MAP3K7: variants seen among roughly 807,000 people sequenced by gnomAD.
MAP3K7 encodes TGF-beta activated kinase 1.
A neutral mutation model predicts 84.8 loss-of-function variants in MAP3K7; 21 were observed. The ratio of observed to expected loss-of-function variants is 0.25; its 90% CI spans 0.18 to 0.36. MAP3K7 has a LOEUF of 0.36. MAP3K7 is among the 10% of genes least tolerant of loss of function. The probability of loss-of-function intolerance (pLI) is 1.00; values close to 1 mark genes in which losing one functional copy is unlikely to be tolerated. For synonymous variants in MAP3K7, 241 were observed against 247.7 expected (o/e 0.97, Z 0.25); for missense variants, 503 against 747.7 (o/e 0.67, Z 3.82).
chr6:90,555,557 T>C (rs953254813), intron 6 of MAP3K7, among the ~76,000 whole-genome samples: 1 of 152,194 alleles, frequency 6.6e-6, no homozygotes. Context: ...GCCCAGCTAT[T>C]TGCATTCTTT....
chr6:90,547,734 C>T (rs1406682261), intron 10 of MAP3K7, among the ~76,000 whole-genome samples: 1 of 152,080 alleles, frequency 6.6e-6, no homozygotes, highest in Non-Finnish European at 1.5e-5. Context: ...AGACTTAGAA[C>T]AACTCCTCTA....
chr6:90,575,715 G>A (rs1475580688), intron 1 of MAP3K7, among the ~76,000 whole-genome samples: 2 of 152,146 alleles, frequency 1.3e-5, no homozygotes, highest in Non-Finnish European at 2.9e-5. Context: ...CTGGGTTTCA[G>A]AGGATTAATG....
rs1353073575 is a variant in MAP3K7 at position 90,515,677 on chromosome 6, T to C, written c.*824A>G. On this transcript the variant is annotated 3_prime_UTR_variant, in exon 17 of 17. Coordinates refer to ENST00000369329, the MANE Select transcript of MAP3K7 (RefSeq NM_145331.3). The stretch of plus-strand genomic sequence containing the variant: ...ATCCAAGAATCACTGCAGGAAGAAA[T>C]GATCATTTAAGCTCAATCATGTTCT... 1 of 151,670 alleles carries C rather than the reference T, an allele frequency of 6.6e-6. No homozygotes were observed. Among genetic ancestry groups the C allele is most frequent in the Non-Finnish European group, 1.5e-5 (1 of 67,836 alleles). 9.4% of individuals were successfully genotyped at this position (151,670 alleles called of 1,614,324 possible).
intron 6 of MAP3K7, among the ~76,000 whole-genome samples, chr6:90,554,300 T>G (rs1240283904): frequency 6.6e-6 from 1 of 152,234 alleles, no homozygotes; most frequent in Non-Finnish European, 1.5e-5. Flanking sequence ...TAATTTAGTG[T>G]TACAGTTTTT....
At chr6:90,577,602 T>C (rs1377135378) in intron 1 of MAP3K7, among the ~76,000 whole-genome samples, 1 of 152,110 alleles carries the variant, frequency 6.6e-6, no homozygotes, top group Non-Finnish European at 1.5e-5. Flanking sequence ...GTCAATATGG[T>C]AGCAGGCAAA....
At chr6:90,579,909 C>T (rs1157089767) in intron 1 of MAP3K7, among the ~76,000 whole-genome samples, 2 of 152,150 alleles carry the variant, frequency 1.3e-5, no homozygotes, top group African/African-American at 2.4e-5. Context: ...CAACAGGAAA[C>T]GCTGGTTAAG....
chr6:90,536,570 G>C (rs1775687602), intron 12 of MAP3K7, 169 bp from the exon 13 acceptor site: 1 of 584,670 alleles, frequency 1.7e-6, no homozygotes, highest in Non-Finnish European at 3.0e-6. Context: ...AGAAGAGAAA[G>C]ATGTAAAGAA....
rs1294946175 is a variant in MAP3K7, at chr6:90,516,346, G to A, written c.*155C>T. 1 of 723,606 alleles carries A rather than the reference G, an allele frequency of 1.4e-6. No homozygotes were observed. Among genetic ancestry groups the A allele is most frequent in the Admixed American group, 2.9e-5 (1 of 34,466 alleles). The allele number at this position is 723,606 out of a possible 1,614,324, so 44.8% of individuals were successfully genotyped here. On this transcript the variant is annotated 3_prime_UTR_variant, in exon 17 of 17. Transcript: ENST00000369329. ...AATTGTATGTCCACCATGAGAAAAGGAAAATAAACAATGAAAAAAATGCAG... is the reference window on the plus strand; with the variant it reads ...AATTGTATGTCCACCATGAGAAAAGAAAAATAAACAATGAAAAAAATGCAG...
chr6:90,571,446 C>T (rs547097927), intron 2 of MAP3K7, among the ~76,000 whole-genome samples: 6 of 151,808 alleles, frequency 4.0e-5, no homozygotes, highest in African/African-American at 1.5e-4. Context: ...ATCTGAATTC[C>T]ATGGATGAAA....
At chr6:90,553,628 T>C (rs756698539) in intron 6 of MAP3K7, 42 bp from the exon 7 acceptor site, 1 of 1,546,054 alleles carries the variant, frequency 6.5e-7, no homozygotes, top group South Asian at 1.2e-5. Context: ...AGACTATTTT[T>C]CCACATGACT....
chr6:90,530,255 A>G (rs946683592), intron 13 of MAP3K7, among the ~76,000 whole-genome samples: 2 of 152,230 alleles, frequency 1.3e-5, no homozygotes, highest in Non-Finnish European at 2.9e-5. Flanking sequence ...ACATGTAAGA[A>G]TCAGTATCAG....
At chr6:90,584,902 A>C (rs1320937366) in intron 1 of MAP3K7, among the ~76,000 whole-genome samples, 1 of 152,162 alleles carries the variant, frequency 6.6e-6, no homozygotes, top group African/African-American at 2.4e-5. Context: ...TGCATCAACT[A>C]TCCACTTCTG....
chr6:90,514,358 T>C lies in MAP3K7; in HGVS notation c.*2143A>G, dbSNP rs1223385433. The stretch of plus-strand genomic sequence containing the variant: ...ACAACACAACTACTTAAAAACAGAG[T>C]AAGGCTGAACTGTACTCAATGTCCA... On this transcript the variant is annotated 3_prime_UTR_variant, in exon 17 of 17. Transcript: ENST00000369329. The C allele has an allele frequency of 1.3e-5, 2 of 151,878 alleles. No homozygotes were observed. The highest frequency in any genetic ancestry group is 2.4e-5 in the African/African-American group (1 of 41,388). The allele number at this position is 151,878 out of a possible 1,614,324, so 9.4% of individuals were successfully genotyped here.
intron 12 of MAP3K7, chr6:90,536,763 G>A: frequency 5.4e-6 from 1 of 185,422 alleles, no homozygotes; most frequent in Non-Finnish European, 1.1e-5. Flanking sequence ...CTATTTCAAG[G>A]GCCTTACGTT....
rs569014278 is a variant in MAP3K7, at chr6:90,569,041, A to G, written c.232-418T>C. 2.2e-4 allele frequency among the ~76,000 whole-genome samples: 34 copies of G among 152,280 alleles called. No homozygotes were observed. The East Asian group carries it at 5.6e-3, about 25-fold the overall frequency. ...TATCATTGTTATCATCTTCATAGCT[A>G]TAGTTGAACAGTCTAGCTACTCTGC... On this transcript the variant is annotated intron_variant, in intron 2 of 16. Coordinates refer to ENST00000369329, the MANE Select transcript of MAP3K7 (RefSeq NM_145331.3).
At chr6:90,521,662 T>A (rs1659918321) in intron 14 of MAP3K7, among the ~76,000 whole-genome samples, 1 of 152,090 alleles carries the variant, frequency 6.6e-6, no homozygotes, top group Admixed American at 6.6e-5. Flanking sequence ...TCTTACACTT[T>A]ATATTAATAC....
Position 90,571,784 on chromosome 6 carries a change from T to C in MAP3K7, c.144A>G (p.Gly48=). 6.3e-7 allele frequency: 1 copy of C among 1,599,434 alleles called. No homozygotes were observed. Among genetic ancestry groups the C allele is most frequent in the Non-Finnish European group, 8.5e-7 (1 of 1,173,610 alleles). Residue 48 remains glycine (G), a synonymous_variant, in exon 2 of 17, where the codon GGA becomes GGG. Transcript: ENST00000369329. The part of the protein sequence containing the change: ...VEEVVGRGAF[G]VVCKAKWRAK... ...CTCTCCACTTAGCTTTGCAAACAACTCCAAAGGCTCCTCTTCCAACAACCT... is the reference window on the plus strand; with the variant it reads ...CTCTCCACTTAGCTTTGCAAACAACCCCAAAGGCTCCTCTTCCAACAACCT...
chr6:90,582,627 C>G (rs1489737802), intron 1 of MAP3K7, among the ~76,000 whole-genome samples: 6 of 152,112 alleles, frequency 3.9e-5, no homozygotes, highest in African/African-American at 1.4e-4. Flanking sequence ...GGAACAACTA[C>G]AAAGAAAATT....
At chr6:90,545,679 G>A (rs551882813) in intron 11 of MAP3K7, among the ~76,000 whole-genome samples, 34 of 152,202 alleles carry the variant, frequency 2.2e-4, no homozygotes, top group Middle Eastern at 3.4e-3. Context: ...GATAGTTTCT[G>A]AAGACCCATC....
Sources: gnomAD v4.1 joint callset for allele counts (sites outside exome capture counted in the v4.1 genomes callset) on GRCh38, gnomAD v4.1.1 for gene constraint, MANE v1.5 for transcripts, NCBI Gene and HGNC (gene_info 2026-07-23, HGNC 2026-07-21) for gene names.